The following SHD variants were observed in gnomAD, a reference collection of about 807,000 sequenced individuals.
SHD encodes Src homology 2 domain containing transforming protein D, also known as SH2 domain-containing adapter protein D.
A neutral mutation model predicts 31.2 loss-of-function variants in SHD; 29 were observed. The ratio of observed to expected loss-of-function variants is 0.93; its 90% CI spans 0.69 to 1.27. The LOEUF is 1.27. SHD is among the 50% of genes most tolerant of loss of function. SHD has a pLI of 0.00. For missense variants in SHD, 520 were observed against 453.8 expected, an observed-to-expected ratio of 1.15 and a Z score of -1.33; for synonymous variants, 208 against 187.8, an observed-to-expected ratio of 1.11 and a Z score of -0.88.
intron 4 of SHD, among the ~76,000 whole-genome samples, chr19:4,287,910 G>GTTTGTTTT (rs1341400533): frequency 2.4e-5 from 2 of 83,636 alleles, no homozygotes; most frequent in African/African-American, 6.3e-5. Context: ...TTGTTTGTTT[G>GTTTGTTTT]TTCGTTTGTT....
rs1971235929 is a variant in SHD at position 4,279,767 on chromosome 19, C to A, written c.-297C>A. The A allele has an allele frequency of 2.4e-6, 1 of 410,566 alleles. No individual in the cohort carries two copies. Among genetic ancestry groups the A allele is most frequent in the Non-Finnish European group, 4.4e-6 (1 of 229,604 alleles). 25.4% of individuals were successfully genotyped at this position (410,566 alleles called of 1,614,324 possible). On this transcript the variant is annotated 5_prime_UTR_variant, in exon 1 of 6. Transcript: ENST00000543264. This position sits in a 1 kb window ranked among gnomAD's most constrained non-coding sequence, Gnocchi z 7.5. ...CGCGGATGCCCCTCGCCCTAGCCCCCAGCGCGCGGGGTTCGGGGCCCTGCG... is the reference window on the plus strand; with the variant it reads ...CGCGGATGCCCCTCGCCCTAGCCCCAAGCGCGCGGGGTTCGGGGCCCTGCG...
intron 3 of SHD, chr19:4,284,437 TG>T (rs1971287478): frequency 5.3e-6 from 1 of 189,620 alleles, no homozygotes; most frequent in Non-Finnish European, 1.1e-5. Context: ...GTCTGTAGAT[TG>T]GGGGTGATTT....
At chr19:4,286,229 TC>T (rs1971310838) in intron 4 of SHD, among the ~76,000 whole-genome samples, 1 of 39,550 alleles carries the variant, frequency 2.5e-5, no homozygotes, top group East Asian at 9.1e-4. Flanking sequence ...TTTCTTTCTT[TC>T]TTTTCTTTCT....
chr19:4,289,565 T>A (rs577063736), intron 5 of SHD, among the ~76,000 whole-genome samples: 1 of 149,872 alleles, frequency 6.7e-6, no homozygotes, highest in East Asian at 2.0e-4. Flanking sequence ...TATTATTATT[T>A]ATTTATTTAT....
At chr19:4,281,259 A>C (rs1847219182) in intron 1 of SHD, among the ~76,000 whole-genome samples, 1 of 149,142 alleles carries the variant, frequency 6.7e-6, no homozygotes, top group African/African-American at 2.5e-5. Flanking sequence ...AGCCCGGGCT[A>C]ACAGAGTGAG....
Position 4,279,527 on chromosome 19 carries a change from G to C in SHD, c.-537G>C, listed in dbSNP as rs1466441680. On this transcript the variant is annotated 5_prime_UTR_variant, in exon 1 of 6. Transcript: ENST00000543264. The surrounding 1 kb of genome is among the most constrained non-coding windows in gnomAD (Gnocchi z 7.5). ...GTCCCGCCGGGGTCACAGTCTCCGC[G>C]GCCCAACTTTGCGCGCGGCGCCCGC... The C allele has an allele frequency of 6.6e-6, 1 of 152,486 alleles. No individual in the cohort carries two copies. The highest frequency in any genetic ancestry group is 2.4e-5 in the African/African-American group (1 of 41,468). The allele number at this position is 152,486 out of a possible 1,614,324, so 9.4% of individuals were successfully genotyped here.
intron 3 of SHD, chr19:4,284,532 C>T: frequency 3.1e-6 from 1 of 326,924 alleles, no homozygotes; most frequent in East Asian, 5.0e-5. Context: ...AACTTCGAAC[C>T]GACCCCGTCT....
rs746942162 is a variant in SHD at position 4,290,644 on chromosome 19, C to T, written c.*11C>T. On this transcript the variant is annotated 3_prime_UTR_variant, in exon 6 of 6. Coordinates refer to ENST00000543264, the MANE Select transcript of SHD (RefSeq NM_020209.4). ...ACGCAGACCCCCTGACAGTGACCCT[C>T]GGCCCCCTTTTGAGTCCTCGGGCCC... The T allele has an allele frequency of 3.8e-5, 60 of 1,579,436 alleles. No homozygotes were observed. Among genetic ancestry groups the T allele is most frequent in the Non-Finnish European group, 4.9e-5 (57 of 1,159,716 alleles).
intron 4 of SHD, among the ~76,000 whole-genome samples, chr19:4,285,756 G>A (rs1476461676): frequency 2.0e-5 from 3 of 151,788 alleles, no homozygotes; most frequent in Non-Finnish European, 4.4e-5. Flanking sequence ...CAGTATGTTG[G>A]CCAGGCTGGT....
At chr19:4,289,713 G>C (rs1380860724) in intron 5 of SHD, among the ~76,000 whole-genome samples, 1 of 151,188 alleles carries the variant, frequency 6.6e-6, no homozygotes, top group Admixed American at 6.6e-5. Flanking sequence ...TGGGACTACA[G>C]GCGCCCACCA....
At chr19:4,288,628 G>A (rs1434885288) in intron 5 of SHD, among the ~76,000 whole-genome samples, 1 of 152,134 alleles carries the variant, frequency 6.6e-6, no homozygotes, top group African/African-American at 2.4e-5. Flanking sequence ...GGTAAGACAA[G>A]GAACTAGGTG....
At chr19:4,289,483 C>T (rs1971354306) in intron 5 of SHD, among the ~76,000 whole-genome samples, 1 of 151,756 alleles carries the variant, frequency 6.6e-6, no homozygotes, top group Non-Finnish European at 1.5e-5. Flanking sequence ...TGGCCTCAAG[C>T]AATCCGCCTG....
chr19:4,283,228 C>G lies in SHD; in HGVS notation c.578C>G (p.Ser193Cys). ...QPWEWKKDHI[S>C]RAFAVQFDSP... ...TGGGAGTGGAAGAAAGACCACATCTCCAGGGCGTTTGCAGGTGCTTCTCAG... is the reference window on the plus strand; with the variant it reads ...TGGGAGTGGAAGAAAGACCACATCTGCAGGGCGTTTGCAGGTGCTTCTCAG... Residue 193 changes from serine (S) to cysteine (C), a missense_variant, in exon 3 of 6, where the codon TCC (serine) becomes TGC (cysteine). Physicochemically the swap from Ser to Cys is moderately radical, Grantham distance 112 (BLOSUM62 -1). Coordinates refer to ENST00000543264, the MANE Select transcript of SHD (RefSeq NM_020209.4). The G allele has an allele frequency of 1.6e-5, 25 of 1,612,572 alleles. No individual in the cohort carries two copies. Among genetic ancestry groups the G allele is most frequent in the Non-Finnish European group, 2.1e-5 (25 of 1,178,736 alleles).
chr19:4,288,910 T>G (rs62129294), intron 5 of SHD, among the ~76,000 whole-genome samples: 5 of 151,404 alleles, frequency 3.3e-5, no homozygotes, highest in African/African-American at 1.2e-4. Flanking sequence ...CTGAGGAAGG[T>G]GGATCACTTG....
At position 4,284,889 on chromosome 19, in the gene SHD, C is replaced by A. The variant is rs146688729; in HGVS notation, c.701C>A (p.Pro234His). Reference sequence around the variant, plus strand: ...GCGGAGCGTGTGGACCCAGCCCTGCCCCTGGAGAAACAGCCGTGAGTGGGG... The same window carrying A: ...GCGGAGCGTGTGGACCCAGCCCTGCACCTGGAGAAACAGCCGTGAGTGGGG... ...QPAERVDPAL[P>H]LEKQPWFHGP... The change falls in exon 4 of 6, where the codon CCC (proline) becomes CAC (histidine). Residue 234 changes from proline (P) to histidine (H), a missense_variant. Pro to His is a moderately conservative substitution (Grantham distance 77). Transcript: ENST00000543264. The A allele has an allele frequency of 2.5e-6, 4 of 1,600,516 alleles. No individual in the cohort carries two copies. Among genetic ancestry groups the A allele is most frequent in the Non-Finnish European group, 3.4e-6 (4 of 1,172,082 alleles).
intron 3 of SHD, among the ~76,000 whole-genome samples, chr19:4,284,035 G>A (rs1971283780): frequency 6.6e-6 from 1 of 151,564 alleles, no homozygotes; most frequent in Non-Finnish European, 1.5e-5. Context: ...CGGGCACGGT[G>A]GCTCACGCCT....
intron 1 of SHD, 28 bp downstream of exon 1, chr19:4,280,388 T>G (rs575000203): frequency 7.2e-6 from 11 of 1,533,882 alleles, no homozygotes; most frequent in Non-Finnish European, 9.7e-6. Flanking sequence ...CTGGGGAGAC[T>G]GGGTGGAGGG....
chr19:4,282,079 C>G (rs1416701861), intron 1 of SHD, among the ~76,000 whole-genome samples: 1 of 152,154 alleles, frequency 6.6e-6, no homozygotes, highest in African/African-American at 2.4e-5. Context: ...CAGCCGCTGT[C>G]TGCGAGCACT....
Position 4,288,242 on chromosome 19 carries a change from G to A in SHD, c.717-1G>A, listed in dbSNP as rs1230005258. On this transcript the variant is annotated splice_acceptor_variant, in intron 4 of 5. Transcript: ENST00000543264. LOFTEE classifies it high-confidence loss of function. ...ATGAGACATCTGTCCATACTCGCTA[G>A]GTGGTTTCATGGCCCCCTGAACAGG... The A allele has an allele frequency of 6.2e-7, 1 of 1,613,210 alleles. No homozygotes were observed. Among genetic ancestry groups the A allele is most frequent in the African/African-American group, 1.3e-5 (1 of 74,864 alleles).
Sources: gnomAD v4.1 joint callset for allele counts (sites outside exome capture counted in the v4.1 genomes callset) on GRCh38, gnomAD v4.1.1 for gene constraint, Gnocchi (gnomAD v3.1) non-coding constraint, MANE v1.5 for transcripts, NCBI Gene and HGNC (gene_info 2026-07-23, HGNC 2026-07-21) for gene names.